Variants in PSCA observed in about 807,000 individuals in gnomAD.
PSCA encodes prostate stem cell antigen.
In PSCA, 7 loss-of-function variants were observed where a neutral mutation model predicts 7.9. The observed-to-expected ratio is 0.89, with a 90% CI of 0.51 to 1.67. The LOEUF (loss-of-function observed/expected upper bound fraction) is 1.67. Ranked by LOEUF, PSCA falls within the 40% of genes most tolerant of loss-of-function variation. The probability of loss-of-function intolerance (pLI) is 0.00; values close to 1 mark genes in which losing one functional copy is unlikely to be tolerated. For synonymous variants in PSCA, 61 were observed against 68.3 expected, an observed-to-expected ratio of 0.89 and a Z score of 0.53; for missense variants, 151 against 147.9, an observed-to-expected ratio of 1.02 and a Z score of -0.11.
chr8:142,675,715 C>T (rs1403181237), upstream of PSCA, among the ~76,000 whole-genome samples: 2 of 152,192 alleles, frequency 1.3e-5, no homozygotes, highest in Non-Finnish European at 2.9e-5. Flanking sequence ...TTGGCACATA[C>T]AAACCCTCAC....
chr8:142,678,334 G>T (rs587608954), upstream of PSCA, among the ~76,000 whole-genome samples: 17 of 152,364 alleles, frequency 1.1e-4, no homozygotes, highest in Admixed American at 9.8e-4. Flanking sequence ...ACACTCGGCA[G>T]CAGGCAGGGC....
intron 1 of PSCA, among the ~76,000 whole-genome samples, chr8:142,672,033 A>C (rs1477614063): frequency 6.6e-6 from 1 of 152,062 alleles, no homozygotes; most frequent in African/African-American, 2.4e-5. Flanking sequence ...GACCAAATTC[A>C]TGTCTCCTGC....
Position 142,672,887 on chromosome 8 carries a change from G to C in PSCA, n.261+2319G>C, listed in dbSNP as rs143115091. On this transcript the variant is annotated intron_variant and non_coding_transcript_variant, in intron 1 of 1. Transcript: ENST00000505305. ...ACCAAGGGTGATGTTTACATATGGC[G>C]TGGGGAAGGCTGGTCGCCCCACCCT... Among the ~76,000 whole-genome samples, 87 of 152,266 alleles carry C rather than the reference G, an allele frequency of 5.7e-4. 1 individual carries two copies. The highest frequency in any genetic ancestry group is 2.1e-3 in the African/African-American group (86 of 41,524).
upstream of PSCA, among the ~76,000 whole-genome samples, chr8:142,676,875 G>A (rs1359093114): frequency 6.6e-6 from 1 of 152,238 alleles, no homozygotes. Context: ...TCTGCAGGAA[G>A]CCATGCCCCT....
upstream of PSCA, among the ~76,000 whole-genome samples, chr8:142,678,907 A>G (rs1554638055): frequency 6.6e-6 from 1 of 151,134 alleles, no homozygotes; most frequent in Non-Finnish European, 1.5e-5. Flanking sequence ...GCCAGCTGGC[A>G]TGAGAGCCTG....
At position 142,682,536 on chromosome 8, in the gene PSCA, G is replaced by A; in HGVS notation, c.*404G>A. 1 of 461,166 alleles carries A rather than the reference G, an allele frequency of 2.2e-6. No individual in the cohort carries two copies. The allele number at this position is 461,166 out of a possible 1,614,324, so 28.6% of individuals were successfully genotyped here. On this transcript the variant is annotated 3_prime_UTR_variant, in exon 3 of 3. Transcript: ENST00000301258. ...CAGCAGGGGACAGGCACTCAGGAGG[G>A]CCCGGTAAAGGCTGAGATGAAGTGG... is the stretch of plus-strand genomic sequence containing the variant.
upstream of PSCA, chr8:142,676,077 C>T (rs1268146154): frequency 6.6e-6 from 1 of 152,250 alleles, no homozygotes; most frequent in East Asian, 1.9e-4. Context: ...GCTGTCCTGG[C>T]CCCGGCCTCA....
At chr8:142,678,307 G>C (rs1031568602), upstream of PSCA, among the ~76,000 whole-genome samples, 3 of 152,188 alleles carry the variant, frequency 2.0e-5, no homozygotes, top group African/African-American at 7.2e-5. Flanking sequence ...AGAAGGGGCC[G>C]GTCTCCCTCC....
upstream of PSCA, chr8:142,676,107 G>A: frequency 6.6e-6 from 1 of 152,302 alleles, no homozygotes; most frequent in East Asian, 1.9e-4. Context: ...CTAGGTGGAA[G>A]ACAGGATCTC....
chr8:142,674,322 T>G (rs1254248071), intron 1 of PSCA, among the ~76,000 whole-genome samples: 2 of 130,756 alleles, frequency 1.5e-5, no homozygotes, highest in Admixed American at 7.4e-5. Flanking sequence ...TCAGCAGAGC[T>G]CAGACTCCCC....
At position 142,681,451 on chromosome 8, in the gene PSCA, C is replaced by G; in HGVS notation, c.133+17C>G. ...CGCGCATCCGTGAGTGGGGGGACGA[C>G]AGCCGCCAGGCCTAGGTCTCTGCCA... On this transcript the variant is annotated intron_variant, in intron 2 of 2. Transcript: ENST00000301258. 1.9e-6 allele frequency: 3 copies of G among 1,569,292 alleles called. No individual in the cohort carries two copies. Among genetic ancestry groups the G allele is most frequent in the Non-Finnish European group, 2.6e-6 (3 of 1,155,254 alleles).
intron 1 of PSCA, 116 bp downstream of exon 1, chr8:142,680,679 G>T (rs373972178): frequency 2.2e-6 from 3 of 1,380,388 alleles, no homozygotes; most frequent in South Asian, 2.5e-5. Flanking sequence ...GGAGAGGAAG[G>T]GGGTGAGGCT....
At chr8:142,679,468 A>G (rs1319991481), upstream of PSCA, among the ~76,000 whole-genome samples, 1 of 152,274 alleles carries the variant, frequency 6.6e-6, no homozygotes, top group Non-Finnish European at 1.5e-5. Flanking sequence ...TGAGCCAAAT[A>G]TGAGGGACCA....
intron 1 of PSCA, chr8:142,680,929 T>C (rs1025111569): frequency 4.4e-5 from 20 of 449,542 alleles, no homozygotes; most frequent in Non-Finnish European, 6.5e-5. Context: ...AAGTGGTTTT[T>C]GGGGCACAAG....
intron 1 of PSCA, among the ~76,000 whole-genome samples, chr8:142,674,868 CT>C (rs1368488822): frequency 6.6e-6 from 1 of 152,266 alleles, no homozygotes; most frequent in Non-Finnish European, 1.5e-5. Context: ...GTCACTCCCC[CT>C]GCCCAAATAA....
upstream of PSCA, among the ~76,000 whole-genome samples, chr8:142,677,389 AAGC>A (rs1225536091): frequency 6.6e-6 from 1 of 152,214 alleles, no homozygotes; most frequent in Non-Finnish European, 1.5e-5. Context: ...GAGCTGGAAT[AAGC>A]AGAGATGCCT....
upstream of PSCA, chr8:142,680,339 A>G (rs1488389576): frequency 1.1e-5 from 7 of 619,786 alleles, no homozygotes; most frequent in Admixed American, 1.9e-4. Context: ...AAGAAGGACA[A>G]AGGGAGAGGG....
chr8:142,680,653 GGAAGGAA>G (rs1847451747), intron 1 of PSCA, 90 bp downstream of exon 1: 1 of 1,485,496 alleles, frequency 6.7e-7, no homozygotes, highest in Admixed American at 2.0e-5. Context: ...GGAGAGGAGG[GGAAGGAA>G]GGAGGAAGGG....
Position 142,681,398 on chromosome 8 carries a change from AC to A in PSCA, c.100del (p.Gln34SerfsTer17). On this transcript the variant is annotated frameshift_variant, in exon 2 of 3. Transcript: ENST00000301258. LOFTEE classifies it low-confidence loss of function (END_TRUNC). ...NEDCLQVENC[T>X]QLGEQCWTAR... ...GGACTGCCTGCAGGTGGAGAACTGCACCCAGCTGGGGGAGCAGTGCTGGACC... is the reference window on the plus strand; with the variant it reads ...GGACTGCCTGCAGGTGGAGAACTGCACCAGCTGGGGGAGCAGTGCTGGACC... 6.3e-7 allele frequency: 1 copy of A among 1,593,766 alleles called. No homozygotes were observed. Among genetic ancestry groups the A allele is most frequent in the Non-Finnish European group, 8.5e-7 (1 of 1,170,456 alleles).
Sources: allele counts gnomAD v4.1 joint callset (sites outside exome capture counted in the v4.1 genomes callset), GRCh38; gene constraint gnomAD v4.1.1; transcripts MANE v1.5; gene names NCBI Gene and HGNC (gene_info 2026-07-23, HGNC 2026-07-21).